The following OR6N1 variants were observed in gnomAD, a reference collection of about 807,000 sequenced individuals.
OR6N1 encodes olfactory receptor 6N1.
For missense variants in OR6N1, 394 were observed against 371.7 expected (o/e 1.06, Z -0.49); for synonymous variants, 170 against 150.7 (o/e 1.13, Z -0.94).
the OR6N1 span, among the ~76,000 whole-genome samples, chr1:158,786,294 G>A: frequency 6.6e-6 from 1 of 152,122 alleles, no homozygotes; most frequent in African/African-American, 2.4e-5. Flanking sequence ...ACCGTAATGA[G>A]AGACCACCTT....
At chr1:158,773,744 G>A (rs1657482714), upstream of OR6N1, among the ~76,000 whole-genome samples, 2 of 151,956 alleles carry the variant, frequency 1.3e-5, no homozygotes, top group Non-Finnish European at 2.9e-5. Flanking sequence ...CAAGGCCATA[G>A]TCTATCCTAG....
the OR6N1 span, among the ~76,000 whole-genome samples, chr1:158,784,255 AATTC>A: frequency 4.3e-4 from 65 of 152,228 alleles, no homozygotes; most frequent in African/African-American, 1.4e-3. Flanking sequence ...CATTTCTAAT[AATTC>A]ATTGAGTATC....
chr1:158,829,795 G>A, the OR6N1 span, among the ~76,000 whole-genome samples: 29 of 152,260 alleles, frequency 1.9e-4, no homozygotes, highest in African/African-American at 6.0e-4. Flanking sequence ...ACAAAAGAAA[G>A]AATCTTATTG....
chr1:158,778,801 T>G, the OR6N1 span, among the ~76,000 whole-genome samples: 1 of 150,436 alleles, frequency 6.6e-6, no homozygotes, highest in South Asian at 2.1e-4. Flanking sequence ...GATCACGAGG[T>G]CGGGAGATTG....
the OR6N1 span, among the ~76,000 whole-genome samples, chr1:158,812,479 G>C: frequency 7.9e-5 from 12 of 152,186 alleles, no homozygotes; most frequent in African/African-American, 2.9e-4. Context: ...TATTAGAAAT[G>C]AAGTTAGAGA....
At chr1:158,824,494 G>C in the OR6N1 span, among the ~76,000 whole-genome samples, 2 of 152,244 alleles carry the variant, frequency 1.3e-5, no homozygotes, top group Non-Finnish European at 2.9e-5. Context: ...TTGTGCGTTT[G>C]ATTTTAGAGT....
the OR6N1 span, among the ~76,000 whole-genome samples, chr1:158,834,476 T>G: frequency 5.1e-3 from 774 of 152,252 alleles, 4 homozygotes; most frequent in African/African-American, 0.018. Flanking sequence ...CTGTTGTTGT[T>G]GGAGTTGATT....
chr1:158,834,964 C>T, the OR6N1 span, among the ~76,000 whole-genome samples: 2 of 152,142 alleles, frequency 1.3e-5, no homozygotes, highest in Non-Finnish European at 2.9e-5. Flanking sequence ...TATCATATTC[C>T]ATTGTTCTTT....
intron 1 of OR6N1, among the ~76,000 whole-genome samples, chr1:158,769,309 G>A (rs1473699315): frequency 2.6e-5 from 4 of 151,942 alleles, no homozygotes; most frequent in South Asian, 4.2e-4. Flanking sequence ...GACTACAAAC[G>A]TGCACCACCA....
At chr1:158,825,947 A>G in the OR6N1 span, among the ~76,000 whole-genome samples, 15 of 152,294 alleles carry the variant, frequency 9.8e-5, no homozygotes, top group Admixed American at 2.6e-4. Flanking sequence ...ACACAGCCAT[A>G]AAAAGAATAA....
the OR6N1 span, among the ~76,000 whole-genome samples, chr1:158,828,656 A>G: frequency 6.6e-5 from 10 of 152,244 alleles, no homozygotes; most frequent in Non-Finnish European, 1.5e-4. Flanking sequence ...GCAAGCTATC[A>G]GTGTATGTAC....
chr1:158,826,237 A>G, the OR6N1 span, among the ~76,000 whole-genome samples: 1 of 152,202 alleles, frequency 6.6e-6, no homozygotes, highest in East Asian at 1.9e-4. Flanking sequence ...GTTTACCTAT[A>G]TAACAAACAT....
chr1:158,819,113 A>T, the OR6N1 span, among the ~76,000 whole-genome samples: 1 of 152,180 alleles, frequency 6.6e-6, no homozygotes, highest in Non-Finnish European at 1.5e-5. Context: ...TGTAATTATC[A>T]ACATTTTCTC....
At chr1:158,767,103 G>A (rs190258056) in intron 1 of OR6N1, among the ~76,000 whole-genome samples, 73 of 152,122 alleles carry the variant, frequency 4.8e-4, no homozygotes, top group African/African-American at 1.7e-3. Context: ...ATACCGTACT[G>A]GACCAAATAT....
chr1:158,814,545 T>C, the OR6N1 span, among the ~76,000 whole-genome samples: 1 of 152,316 alleles, frequency 6.6e-6, no homozygotes, highest in Non-Finnish European at 1.5e-5. Context: ...GATCAAGACA[T>C]TGGCAGATTC....
chr1:158,815,350 A>T, the OR6N1 span, among the ~76,000 whole-genome samples: 1 of 152,174 alleles, frequency 6.6e-6, no homozygotes, highest in Non-Finnish European at 1.5e-5. Flanking sequence ...CAACCTCAAC[A>T]ATGTCAATTA....
the OR6N1 span, among the ~76,000 whole-genome samples, chr1:158,788,080 C>G: frequency 1.3e-5 from 2 of 152,126 alleles, no homozygotes; most frequent in South Asian, 4.2e-4. Flanking sequence ...AGGAGATAAG[C>G]TATAACTGAA....
At chr1:158,802,127 T>C in the OR6N1 span, among the ~76,000 whole-genome samples, 1 of 151,428 alleles carries the variant, frequency 6.6e-6, no homozygotes, top group Non-Finnish European at 1.5e-5. Context: ...CAACCCTCAC[T>C]GGCTCTAGAA....
At chr1:158,793,190 AT>A in the OR6N1 span, among the ~76,000 whole-genome samples, 1 of 146,568 alleles carries the variant, frequency 6.8e-6, no homozygotes, top group Non-Finnish European at 1.5e-5. Context: ...TTTTTTTTTT[AT>A]TTTTTCATGT....
Sources: gnomAD v4.1 joint callset for allele counts (sites outside exome capture counted in the v4.1 genomes callset) on GRCh38, gnomAD v4.1.1 for gene constraint, MANE v1.5 for transcripts, NCBI Gene and HGNC (gene_info 2026-07-23, HGNC 2026-07-21) for gene names.